GOLIM4: variants seen among roughly 807,000 people sequenced by gnomAD.
GOLIM4 encodes 130 kDa golgi-localized phosphoprotein.
In GOLIM4, 71 loss-of-function variants were observed where a neutral mutation model predicts 107.4. The observed-to-expected ratio is 0.66, with a 90% CI of 0.55 to 0.81. The LOEUF is 0.81. Ranked by LOEUF, GOLIM4 falls within the 30% of genes least tolerant of loss-of-function variation. The pLI, the probability that GOLIM4 is intolerant of heterozygous loss-of-function variation, is 0.00. For missense variants in GOLIM4, 830 were observed against 826.1 expected (o/e 1.00, Z -0.06); for synonymous variants, 327 against 294.8 (o/e 1.11, Z -1.12).
intron 1 of GOLIM4, among the ~76,000 whole-genome samples, chr3:168,051,115 T>C (rs542400595): frequency 1.8e-4 from 28 of 152,162 alleles, no homozygotes; most frequent in African/African-American, 5.8e-4. Flanking sequence ...ATAATTATCT[T>C]TGGCTTAGGA....
intron 1 of GOLIM4, among the ~76,000 whole-genome samples, chr3:168,079,235 T>A (rs1246364245): frequency 1.3e-5 from 2 of 152,156 alleles, no homozygotes; most frequent in African/African-American, 4.8e-5. Flanking sequence ...ACAATGGTAA[T>A]AACATAGTAA....
chr3:168,011,919 G>A (rs1717060886), intron 14 of GOLIM4, among the ~76,000 whole-genome samples: 1 of 143,048 alleles, frequency 7.0e-6, no homozygotes, highest in South Asian at 2.1e-4. Flanking sequence ...AAGACCAAAA[G>A]CAGATAAAAC....
intron 3 of GOLIM4, among the ~76,000 whole-genome samples, chr3:168,046,455 G>A (rs1047121004): frequency 6.6e-6 from 1 of 152,188 alleles, no homozygotes; most frequent in Non-Finnish European, 1.5e-5. Flanking sequence ...GCGGCCTTCC[G>A]CAGTGTCTGT....
chr3:168,054,441 G>C (rs1024823729), intron 1 of GOLIM4, among the ~76,000 whole-genome samples: 3 of 152,068 alleles, frequency 2.0e-5, no homozygotes, highest in Admixed American at 2.0e-4. Flanking sequence ...CCAGGTATCT[G>C]AGCAACTAGC....
chr3:168,029,994 A>G lies in GOLIM4; in HGVS notation c.1219T>C (p.Tyr407His). Residue 407 changes from tyrosine (Y) to histidine (H), a missense_variant, in exon 10 of 16, where the codon TAT (tyrosine) becomes CAT (histidine). Transcript: ENST00000470487. ...CTCTGCTGTTCCAACTGTTCCTCAT[A>G]GGGTGATTGGAATTTGATCATTGGC... ...AKPMIKFQSP[Y>H]EEQLEQQRLA... is the part of the protein sequence containing the mutation. 1 of 1,614,080 alleles carries G rather than the reference A, an allele frequency of 6.2e-7. No individual in the cohort carries two copies. The highest frequency in any genetic ancestry group is 8.5e-7 in the Non-Finnish European group (1 of 1,179,968).
intron 13 of GOLIM4, among the ~76,000 whole-genome samples, 167 bp from the exon 14 acceptor site, chr3:168,024,761 G>A (rs188131718): frequency 8.5e-4 from 130 of 152,232 alleles, no homozygotes; most frequent in African/African-American, 3.0e-3. Context: ...CAGGATGTCC[G>A]TTACCCTCTC....
chr3:168,049,259 C>A (rs1483855073), intron 1 of GOLIM4, among the ~76,000 whole-genome samples: 1 of 152,126 alleles, frequency 6.6e-6, no homozygotes, highest in Non-Finnish European at 1.5e-5. Flanking sequence ...GAGGGAGAAG[C>A]CTTACCTTTG....
chr3:168,082,195 C>G (rs1431157543), intron 1 of GOLIM4, among the ~76,000 whole-genome samples: 1 of 152,146 alleles, frequency 6.6e-6, no homozygotes, highest in Non-Finnish European at 1.5e-5. Flanking sequence ...TCAGGACGTT[C>G]ATGAACCACC....
intron 9 of GOLIM4, 112 bp downstream of exon 9, chr3:168,032,408 T>C (rs1160021733): frequency 5.1e-6 from 4 of 786,376 alleles, no homozygotes; most frequent in East Asian, 2.4e-5. Flanking sequence ...TAATGTTTAG[T>C]AGAATCACTC....
At chr3:168,063,944 TAC>T (rs1720412632) in intron 1 of GOLIM4, among the ~76,000 whole-genome samples, 1 of 152,188 alleles carries the variant, frequency 6.6e-6, no homozygotes, top group Non-Finnish European at 1.5e-5. Context: ...GATAGCAGGA[TAC>T]TTCTGAGGAT....
intron 1 of GOLIM4, among the ~76,000 whole-genome samples, chr3:168,064,838 G>C (rs1001736380): frequency 3.3e-5 from 5 of 151,960 alleles, no homozygotes; most frequent in Non-Finnish European, 7.4e-5. Flanking sequence ...AGAAATCTTT[G>C]ATGATACATA....
intron 1 of GOLIM4, among the ~76,000 whole-genome samples, chr3:168,064,428 TAAGAA>T (rs1720435677): frequency 1.3e-5 from 2 of 152,176 alleles, no homozygotes; most frequent in South Asian, 2.1e-4. Flanking sequence ...GAAATTTACA[TAAGAA>T]AAGTGTTAAT....
chr3:168,019,703 T>C (rs913844302), intron 14 of GOLIM4, among the ~76,000 whole-genome samples: 6 of 152,342 alleles, frequency 3.9e-5, no homozygotes, highest in African/African-American at 1.2e-4. Context: ...AAAGTTTGAA[T>C]GAACTCAGGT....
chr3:168,039,579 A>T (rs772637966), intron 7 of GOLIM4, among the ~76,000 whole-genome samples: 7 of 151,926 alleles, frequency 4.6e-5, no homozygotes, highest in Admixed American at 4.6e-4. Flanking sequence ...TTTTTTTTCT[A>T]TTATAAAACC....
intron 11 of GOLIM4, 31 bp from the exon 12 acceptor site, chr3:168,027,868 A>C (rs1718089822): frequency 7.4e-7 from 1 of 1,348,296 alleles, no homozygotes; most frequent in Non-Finnish European, 1.1e-6. Flanking sequence ...AAATCAGCCC[A>C]AAATGAATCA....
chr3:168,049,377 GT>G (rs1473442436), intron 1 of GOLIM4, among the ~76,000 whole-genome samples: 1 of 152,206 alleles, frequency 6.6e-6, no homozygotes, highest in Non-Finnish European at 1.5e-5. Flanking sequence ...AGAGAAGTTA[GT>G]GAAGCAAACA....
intron 1 of GOLIM4, among the ~76,000 whole-genome samples, chr3:168,067,696 T>TA (rs1720622196): frequency 6.6e-6 from 1 of 152,010 alleles, no homozygotes; most frequent in Non-Finnish European, 1.5e-5. Flanking sequence ...ATAGGAAATA[T>TA]AAATGAATGA....
rs78077837 is a variant in GOLIM4, at chr3:168,088,817, T to C, written c.187+6282A>G. On this transcript the variant is annotated intron_variant, in intron 1 of 15. Coordinates refer to ENST00000470487, the MANE Select transcript of GOLIM4 (RefSeq NM_014498.5). The stretch of plus-strand genomic sequence containing the variant: ...ACTTATTCCTTCAGCCACAGTAATG[T>C]GGTATTGTACCCCAGCCCTTTTGGA... Among the ~76,000 whole-genome samples the C allele has an allele frequency of 1.2e-3, 186 of 152,320 alleles. 1 individual carries two copies. The highest frequency in any genetic ancestry group is 4.3e-3 in the African/African-American group (180 of 41,558).
intron 7 of GOLIM4, among the ~76,000 whole-genome samples, chr3:168,037,558 T>C (rs1377953160): frequency 6.6e-6 from 1 of 152,170 alleles, no homozygotes; most frequent in African/African-American, 2.4e-5. Flanking sequence ...GGCTAGAATG[T>C]TTCCTACACT....
Sources: gnomAD v4.1 joint callset for allele counts (sites outside exome capture counted in the v4.1 genomes callset) on GRCh38, gnomAD v4.1.1 for gene constraint, MANE v1.5 for transcripts, NCBI Gene and HGNC (gene_info 2026-07-23, HGNC 2026-07-21) for gene names.